The following EPHA6 variants were observed in gnomAD, a reference collection of about 807,000 sequenced individuals.
EPHA6 encodes ephrin type-A receptor 6.
A neutral mutation model predicts 112.0 loss-of-function variants in EPHA6; 50 were observed. That is an observed-to-expected ratio of 0.45 (90% CI 0.36 to 0.56). The LOEUF is 0.56. Ranked by LOEUF, EPHA6 falls within the 20% of genes least tolerant of loss-of-function variation. The probability of loss-of-function intolerance (pLI) is 0.00; values close to 1 mark genes in which losing one functional copy is unlikely to be tolerated. For missense variants in EPHA6, 1,280 were observed against 1,417.4 expected, an observed-to-expected ratio of 0.90 and a Z score of 1.56; for synonymous variants, 529 against 490.7, an observed-to-expected ratio of 1.08 and a Z score of -1.03.
At chr3:97,177,886 T>C (rs926401127) in intron 3 of EPHA6, among the ~76,000 whole-genome samples, 1 of 152,064 alleles carries the variant, frequency 6.6e-6, no homozygotes, top group African/African-American at 2.4e-5. Context: ...CAGTGGGTCT[T>C]GTTTTTTCAT....
chr3:97,088,338 T>C (rs779407558), intron 3 of EPHA6, among the ~76,000 whole-genome samples: 1 of 152,138 alleles, frequency 6.6e-6, no homozygotes, highest in Non-Finnish European at 1.5e-5. Context: ...TACAAATTGA[T>C]GGACAATGAA....
Position 97,475,436 on chromosome 3 carries a change from C to T in EPHA6, c.1979C>T (p.Thr660Ile). The change falls in exon 8 of 18, where the codon ACT (threonine) becomes ATT (isoleucine). Residue 660 changes from threonine (T) to isoleucine (I), a missense_variant. This residue lies in a region of EPHA6 where 878 missense variants were observed against 999.7 expected (regional missense o/e 0.88). Coordinates refer to ENST00000389672, the MANE Select transcript of EPHA6 (RefSeq NM_001080448.3). ...GGATTCACTCTCCTCGTCATCCTCACTTTATTCTTCTTGATCACTGGGAGG... is the reference window on the plus strand; with the variant it reads ...GGATTCACTCTCCTCGTCATCCTCATTTTATTCTTCTTGATCACTGGGAGG... ...VGGFTLLVIL[T>I]LFFLITGRCQ... 1 of 1,611,052 alleles carries T rather than the reference C, an allele frequency of 6.2e-7. No individual in the cohort carries two copies. Among genetic ancestry groups the T allele is most frequent in the East Asian group, 2.2e-5 (1 of 44,822 alleles).
chr3:97,480,181 TA>T (rs1202056225), intron 9 of EPHA6, among the ~76,000 whole-genome samples: 20 of 152,094 alleles, frequency 1.3e-4, no homozygotes, highest in African/African-American at 3.1e-4. Context: ...TTTTTATTAT[TA>T]TTTTTTAAGT....
chr3:97,230,699 T>C (rs2078498091), intron 4 of EPHA6, among the ~76,000 whole-genome samples: 1 of 152,200 alleles, frequency 6.6e-6, no homozygotes, highest in Non-Finnish European at 1.5e-5. Flanking sequence ...GTGTATACAT[T>C]GGACATACCT....
At chr3:97,092,586 A>G (rs1293026377) in intron 3 of EPHA6, among the ~76,000 whole-genome samples, 1 of 152,080 alleles carries the variant, frequency 6.6e-6, no homozygotes, top group Non-Finnish European at 1.5e-5. Context: ...GTCTATTATT[A>G]TTATCATAAT....
intron 2 of EPHA6, among the ~76,000 whole-genome samples, chr3:96,920,177 C>T (rs1036597425): frequency 7.9e-5 from 12 of 151,878 alleles, no homozygotes; most frequent in African/African-American, 2.7e-4. Flanking sequence ...TTTAGTGAAG[C>T]TATTTTGTGC....
intron 10 of EPHA6, among the ~76,000 whole-genome samples, chr3:97,501,469 C>G (rs2092115005): frequency 6.6e-6 from 1 of 151,688 alleles, no homozygotes; most frequent in Non-Finnish European, 1.5e-5. Flanking sequence ...GAATACATTT[C>G]TAAACAAAAT....
At chr3:97,185,401 T>C (rs971715934) in intron 3 of EPHA6, among the ~76,000 whole-genome samples, 14 of 151,928 alleles carry the variant, frequency 9.2e-5, no homozygotes, top group African/African-American at 3.1e-4. Flanking sequence ...AAAAAGTGGG[T>C]GAAGGATATG....
At chr3:97,271,758 A>G (rs1238754522) in intron 5 of EPHA6, among the ~76,000 whole-genome samples, 5 of 152,260 alleles carry the variant, frequency 3.3e-5, no homozygotes, top group Non-Finnish European at 7.3e-5. Flanking sequence ...TTAATGTGAT[A>G]AATAATTTTA....
intron 2 of EPHA6, among the ~76,000 whole-genome samples, chr3:96,886,788 G>A (rs969130152): frequency 6.6e-6 from 1 of 152,020 alleles, no homozygotes; most frequent in South Asian, 2.1e-4. Flanking sequence ...GGTCCTATGT[G>A]ATCTATGCTT....
chr3:97,470,001 C>T (rs1376249066), intron 7 of EPHA6, among the ~76,000 whole-genome samples: 3 of 151,564 alleles, frequency 2.0e-5, no homozygotes, highest in Admixed American at 6.6e-5. Context: ...TTTAAACCCA[C>T]GTGGCCCAAA....
chr3:97,632,639 G>A (rs2093913292), intron 13 of EPHA6, among the ~76,000 whole-genome samples: 1 of 151,934 alleles, frequency 6.6e-6, no homozygotes, highest in Non-Finnish European at 1.5e-5. Flanking sequence ...AAACTCAGGT[G>A]ACAAAGACTA....
chr3:97,734,749 G>T (rs1011603698), intron 15 of EPHA6, among the ~76,000 whole-genome samples: 2 of 151,896 alleles, frequency 1.3e-5, no homozygotes, highest in South Asian at 2.1e-4. Flanking sequence ...GTTAAATTTT[G>T]CCTGTCTTTA....
chr3:97,296,601 G>A (rs2080883385), intron 5 of EPHA6, among the ~76,000 whole-genome samples: 1 of 152,170 alleles, frequency 6.6e-6, no homozygotes, highest in South Asian at 2.1e-4. Flanking sequence ...GCTCTGGGGA[G>A]TGCACACTTT....
intron 2 of EPHA6, among the ~76,000 whole-genome samples, chr3:96,967,789 G>C (rs1347760785): frequency 6.6e-6 from 1 of 151,840 alleles, no homozygotes; most frequent in African/African-American, 2.4e-5. Flanking sequence ...GTGCTACCAA[G>C]TACTCTGATT....
Position 97,196,150 on chromosome 3 carries a change from G to A in EPHA6, c.1115-30114G>A, listed in dbSNP as rs536556374. 4.7e-5 allele frequency among the ~76,000 whole-genome samples: 7 copies of A among 150,274 alleles called. No individual in the cohort carries two copies. The South Asian group carries it at 6.3e-4, about 14-fold the overall frequency. ...CTTTTGAGGCTATTTTCTAGATCTC[G>A]TAGGCATTCTTCCTTGTTTTTTTTT... On this transcript the variant is annotated intron_variant, in intron 3 of 17. Transcript: ENST00000389672.
chr3:97,325,579 G>A (rs998121446), intron 5 of EPHA6, among the ~76,000 whole-genome samples: 1 of 152,060 alleles, frequency 6.6e-6, no homozygotes, highest in African/African-American at 2.4e-5. Flanking sequence ...TCAGCCCCTA[G>A]CATCCGTGTA....
At chr3:97,348,403 G>T (rs1309748485) in intron 5 of EPHA6, among the ~76,000 whole-genome samples, 2 of 151,868 alleles carry the variant, frequency 1.3e-5, no homozygotes, top group South Asian at 4.1e-4. Flanking sequence ...GCAGAAATAA[G>T]TATCAGATCT....
intron 3 of EPHA6, 44 bp from the exon 4 acceptor site, chr3:97,226,220 C>A (rs757117808): frequency 2.6e-6 from 4 of 1,514,732 alleles, no homozygotes; most frequent in African/African-American, 1.4e-5. Flanking sequence ...ATAAAAGAAT[C>A]CTAGCAATAA....
Sources: allele counts gnomAD v4.1 joint callset (sites outside exome capture counted in the v4.1 genomes callset), GRCh38; gene constraint gnomAD v4.1.1; regional missense constraint gnomAD v4.1.1; transcripts MANE v1.5; gene names NCBI Gene and HGNC (gene_info 2026-07-23, HGNC 2026-07-21).